Variants in ENOX1 observed in about 807,000 individuals in gnomAD.
ENOX1 encodes ecto-NOX disulfide-thiol exchanger 1.
Under a neutral mutation model 82.5 loss-of-function variants are expected in ENOX1, and 42 were observed. The ratio of observed to expected loss-of-function variants is 0.51; its 90% confidence interval spans 0.40 to 0.66. The LOEUF (loss-of-function observed/expected upper bound fraction) is 0.66, where lower values mean the gene tolerates loss of function less well. Among genes scored for constraint, ENOX1 ranks in the 30% least tolerant of loss-of-function variants. The pLI is 0.00. For missense variants in ENOX1, 608 were observed against 811.6 expected, an observed-to-expected ratio of 0.75 and a Z score of 3.05; for synonymous variants, 271 against 282.2, an observed-to-expected ratio of 0.96 and a Z score of 0.40.
At chr13:43,409,436 A>C (rs916167203) in intron 5 of ENOX1, among the ~76,000 whole-genome samples, 1 of 152,224 alleles carries the variant, frequency 6.6e-6, no homozygotes, top group Non-Finnish European at 1.5e-5. Flanking sequence ...GAAAGGAGAA[A>C]GAAAGAAATA....
chr13:43,533,690 A>T (rs553614224), intron 2 of ENOX1, among the ~76,000 whole-genome samples: 100 of 152,206 alleles, frequency 6.6e-4, no homozygotes, highest in Non-Finnish European at 1.1e-3. Context: ...GAAAGCATAC[A>T]AATTCTATAA....
intron 1 of ENOX1, among the ~76,000 whole-genome samples, chr13:43,731,439 A>G (rs2153822190): frequency 6.6e-6 from 1 of 152,302 alleles, no homozygotes; most frequent in Admixed American, 6.5e-5. Context: ...GATATTTCTC[A>G]GCAGAATAGT....
At chr13:43,647,902 A>G (rs764265911) in intron 2 of ENOX1, among the ~76,000 whole-genome samples, 13 of 152,228 alleles carry the variant, frequency 8.5e-5, no homozygotes, top group Non-Finnish European at 1.3e-4. Context: ...AGATGGCAGA[A>G]TGAGAAGGTC....
At chr13:43,414,807 C>T (rs184044597) in intron 3 of ENOX1, among the ~76,000 whole-genome samples, 18 of 152,312 alleles carry the variant, frequency 1.2e-4, no homozygotes, top group Non-Finnish European at 1.9e-4. Flanking sequence ...ATTAATCACA[C>T]ATTTTTTTCT....
chr13:43,665,577 G>C (rs909290308), intron 2 of ENOX1, among the ~76,000 whole-genome samples: 2 of 152,016 alleles, frequency 1.3e-5, no homozygotes, highest in Non-Finnish European at 2.9e-5. Context: ...TGATTTAAAC[G>C]GTATTGAATT....
intron 12 of ENOX1, among the ~76,000 whole-genome samples, chr13:43,294,399 C>A (rs1010051892): frequency 6.6e-6 from 1 of 152,086 alleles, no homozygotes; most frequent in African/African-American, 2.4e-5. Flanking sequence ...AAAAATACTG[C>A]AAATTTGTGT....
At chr13:43,352,640 C>T (rs745888476) in intron 8 of ENOX1, among the ~76,000 whole-genome samples, 3 of 152,188 alleles carry the variant, frequency 2.0e-5, no homozygotes, top group Admixed American at 6.5e-5. Flanking sequence ...TGAATTGTCT[C>T]GGAACAATGT....
At chr13:43,224,709 C>T (rs577394925) in intron 15 of ENOX1, among the ~76,000 whole-genome samples, 1 of 152,344 alleles carries the variant, frequency 6.6e-6, no homozygotes, top group East Asian at 1.9e-4. Context: ...CCAGCTCATT[C>T]TCCCCTTCTT....
At chr13:43,374,945 G>A (rs2051514351) in intron 5 of ENOX1, among the ~76,000 whole-genome samples, 1 of 152,190 alleles carries the variant, frequency 6.6e-6, no homozygotes, top group Non-Finnish European at 1.5e-5. Context: ...TCAGGGTTTA[G>A]CTGAATGTCA....
At position 43,526,093 on chromosome 13, in the gene ENOX1, G is replaced by A. The variant is rs964738394; in HGVS notation, c.-218-41941C>T. ...AACAATGCTCTATGCAGGCTGGATG[G>A]TTAAAGTTTTTTGAAGATTATACAA... On this transcript the variant is annotated intron_variant, in intron 2 of 16. Transcript: ENST00000690772. Among the ~76,000 whole-genome samples the A allele has an allele frequency of 2.0e-5, 3 of 152,068 alleles. No individual in the cohort carries two copies. In the South Asian group the frequency reaches 6.2e-4, roughly 32 times the overall value.
intron 2 of ENOX1, among the ~76,000 whole-genome samples, chr13:43,660,460 A>C (rs2084664135): frequency 6.6e-6 from 1 of 152,232 alleles, no homozygotes; most frequent in Admixed American, 6.5e-5. Flanking sequence ...ACATTAAGCC[A>C]AGGCCCAACA....
intron 3 of ENOX1, among the ~76,000 whole-genome samples, chr13:43,417,193 AGGGAGACGGGAGAC>A (rs370036237): frequency 1.3e-4 from 17 of 132,794 alleles, no homozygotes; most frequent in African/African-American, 2.2e-4. Context: ...TCAGCAACAG[AGGGAGACGGGAGAC>A]GGGAGACGGG....
intron 3 of ENOX1, among the ~76,000 whole-genome samples, chr13:43,427,990 G>A (rs1233162423): frequency 6.6e-6 from 1 of 152,180 alleles, no homozygotes; most frequent in Non-Finnish European, 1.5e-5. Context: ...GCCAACATCA[G>A]CAATGCACCA....
chr13:43,407,366 G>A (rs1405915815), intron 5 of ENOX1, among the ~76,000 whole-genome samples: 1 of 152,180 alleles, frequency 6.6e-6, no homozygotes, highest in African/African-American at 2.4e-5. Flanking sequence ...GGATGGTAGT[G>A]GAGAAGGATC....
Position 43,640,919 on chromosome 13 carries a change from TACACAC to T in ENOX1, c.-219+26554_-219+26559del, listed in dbSNP as rs55732866. ...ACGTACACACACACGCACGCACACA[TACACAC>T]ACACACACACACGTAACCTACAGCA... On this transcript the variant is annotated intron_variant, in intron 2 of 16. Transcript: ENST00000690772. 1.3e-4 allele frequency among the ~76,000 whole-genome samples: 19 copies of T among 150,640 alleles called. No homozygotes were observed. The East Asian group carries it at 2.5e-3, about 20-fold the overall frequency.
intron 9 of ENOX1, among the ~76,000 whole-genome samples, chr13:43,338,538 G>A (rs559185544): frequency 6.6e-6 from 1 of 151,998 alleles, no homozygotes. Flanking sequence ...CAGAAGGGAG[G>A]AGAAAGCCCC....
chr13:43,729,697 T>A (rs796590231), intron 1 of ENOX1, among the ~76,000 whole-genome samples: 4 of 152,328 alleles, frequency 2.6e-5, no homozygotes, highest in African/African-American at 7.2e-5. Flanking sequence ...AAAGTTAATA[T>A]ATTAAAGGAA....
chr13:43,552,961 T>C (rs1333407773), intron 2 of ENOX1, among the ~76,000 whole-genome samples: 1 of 152,022 alleles, frequency 6.6e-6, no homozygotes, highest in Non-Finnish European at 1.5e-5. Context: ...CTAATAGAAG[T>C]AGTCATGATA....
At chr13:43,636,669 G>A (rs2083427560) in intron 2 of ENOX1, among the ~76,000 whole-genome samples, 1 of 150,358 alleles carries the variant, frequency 6.7e-6, no homozygotes, top group African/African-American at 2.5e-5. Context: ...CAGAAATCCT[G>A]TGGAAAGTAG....
Sources: gnomAD v4.1 joint callset for allele counts (sites outside exome capture counted in the v4.1 genomes callset) on GRCh38, gnomAD v4.1.1 for gene constraint, MANE v1.5 for transcripts, NCBI Gene and HGNC (gene_info 2026-07-23, HGNC 2026-07-21) for gene names.